VWC2L: variants seen among roughly 807,000 people sequenced by gnomAD.
VWC2L encodes von Willebrand factor C domain-containing protein 2-like.
A neutral mutation model predicts 21.6 loss-of-function variants in VWC2L; 10 were observed. The observed-to-expected ratio is 0.46, with a 90% CI of 0.29 to 0.78. The LOEUF (loss-of-function observed/expected upper bound fraction) is 0.78, where lower values mean the gene tolerates loss of function less well. VWC2L is among the 30% of genes least tolerant of loss of function. The probability of loss-of-function intolerance (pLI) is 0.10; values close to 1 mark genes in which losing one functional copy is unlikely to be tolerated. For missense variants in VWC2L, 209 were observed against 277.1 expected, an observed-to-expected ratio of 0.75 and a Z score of 1.74; for synonymous variants, 96 against 94.3, an observed-to-expected ratio of 1.02 and a Z score of -0.10.
intron 3 of VWC2L, among the ~76,000 whole-genome samples, chr2:214,540,908 AG>A (rs1023478345): frequency 1.3e-5 from 2 of 152,228 alleles, no homozygotes; most frequent in African/African-American, 2.4e-5. Context: ...CATGCAAAGC[AG>A]TCAATTAATC....
intron 3 of VWC2L, among the ~76,000 whole-genome samples, chr2:214,465,714 C>T (rs1474868909): frequency 1.3e-5 from 2 of 152,132 alleles, no homozygotes; most frequent in Admixed American, 1.3e-4. Flanking sequence ...TCCTTGTGGC[C>T]TAGACTGCCT....
chr2:214,459,599 T>G (rs1703109243), intron 3 of VWC2L, among the ~76,000 whole-genome samples: 1 of 152,208 alleles, frequency 6.6e-6, no homozygotes, highest in South Asian at 2.1e-4. Flanking sequence ...TATTGTCCTT[T>G]CACTACCAGG....
intron 3 of VWC2L, among the ~76,000 whole-genome samples, chr2:214,571,768 C>CTCTT (rs1195810972): frequency 3.9e-5 from 6 of 152,238 alleles, no homozygotes; most frequent in Admixed American, 3.3e-4. Context: ...TTCATATTCT[C>CTCTT]TCTTTCTTTC....
chr2:214,475,726 CT>C (rs1384422819), intron 3 of VWC2L, among the ~76,000 whole-genome samples: 8 of 149,168 alleles, frequency 5.4e-5, no homozygotes, highest in Non-Finnish European at 4.4e-5. Context: ...TGAAATCTCC[CT>C]ATTTTTAAAT....
chr2:214,411,966 C>T (rs550820133), intron 1 of VWC2L, among the ~76,000 whole-genome samples, 180 bp downstream of exon 1: 1 of 151,366 alleles, frequency 6.6e-6, no homozygotes, highest in South Asian at 2.1e-4. Flanking sequence ...TTGATTTATC[C>T]CATGTTTCTT....
intron 3 of VWC2L, among the ~76,000 whole-genome samples, chr2:214,506,549 C>A (rs1034700217): frequency 6.6e-6 from 1 of 152,094 alleles, no homozygotes; most frequent in African/African-American, 2.4e-5. Flanking sequence ...CGTATCAAAA[C>A]CTTTAGAAAT....
intron 3 of VWC2L, among the ~76,000 whole-genome samples, chr2:214,457,864 T>C (rs1317485822): frequency 1.3e-5 from 2 of 152,260 alleles, no homozygotes; most frequent in East Asian, 1.9e-4. Context: ...GAATTTGATC[T>C]GTTAGTATTT....
At chr2:214,554,097 G>T (rs13012596) in intron 3 of VWC2L, among the ~76,000 whole-genome samples, 109,232 of 151,872 alleles carry the variant, frequency 0.72, 39,774 homozygotes, top group East Asian at 0.83. Flanking sequence ...ACCATCCTGA[G>T]TCTTTACCAA....
At chr2:214,540,425 G>T (rs1249543797) in intron 3 of VWC2L, among the ~76,000 whole-genome samples, 1 of 152,104 alleles carries the variant, frequency 6.6e-6, no homozygotes, top group Non-Finnish European at 1.5e-5. Context: ...GAAATATGAT[G>T]CCCATGCCCT....
In VWC2L at chr2:214,444,578, G is replaced by A. The variant is rs568749458; in HGVS notation, c.520+7820G>A. 3.3e-5 allele frequency among the ~76,000 whole-genome samples: 5 copies of A among 152,022 alleles called. No homozygotes were observed. The East Asian group carries it at 9.6e-4, about 29-fold the overall frequency. ...AGTTGACAAAATAAACATTTCTTGT[G>A]AAAATGTTAAATACATGAAAAAATG... On this transcript the variant is annotated intron_variant, in intron 3 of 3. Coordinates refer to ENST00000312504, the MANE Select transcript of VWC2L (RefSeq NM_001080500.4).
intron 3 of VWC2L, among the ~76,000 whole-genome samples, chr2:214,497,162 G>C (rs1027119388): frequency 1.3e-5 from 2 of 151,940 alleles, no homozygotes; most frequent in Admixed American, 1.3e-4. Flanking sequence ...TCCAAGAATA[G>C]TCTTTGGCTT....
chr2:214,477,442 C>A (rs1688540649), intron 3 of VWC2L, among the ~76,000 whole-genome samples: 2 of 151,434 alleles, frequency 1.3e-5, no homozygotes. Flanking sequence ...AGATTTACAA[C>A]CCCCTCCTGA....
At position 214,577,728 on chromosome 2, in the gene VWC2L, TA is replaced by T. The variant is rs1308232740; in HGVS notation, c.*1912del. ...GAGTCTTGTCAACTGGTTTTTCATT[TA>T]AAATTGTCAGCCTCTCCTCCCTGGA... is the stretch of plus-strand genomic sequence containing the variant. On this transcript the variant is annotated 3_prime_UTR_variant, in exon 4 of 4. Coordinates refer to ENST00000312504, the MANE Select transcript of VWC2L (RefSeq NM_001080500.4). 6.6e-6 allele frequency: 1 copy of T among 152,224 alleles called. No individual in the cohort carries two copies. The highest frequency in any genetic ancestry group is 1.5e-5 in the Non-Finnish European group (1 of 68,044). 9.4% of individuals were successfully genotyped at this position (152,224 alleles called of 1,614,324 possible).
chr2:214,433,013 C>G (rs1320505231), intron 2 of VWC2L, among the ~76,000 whole-genome samples: 1 of 147,738 alleles, frequency 6.8e-6, no homozygotes, highest in Non-Finnish European at 1.5e-5. Flanking sequence ...CACAGTAAGA[C>G]TCCATCTCAA....
At chr2:214,528,695 C>T (rs1204233660) in intron 3 of VWC2L, among the ~76,000 whole-genome samples, 5 of 152,052 alleles carry the variant, frequency 3.3e-5, no homozygotes, top group Non-Finnish European at 5.9e-5. Flanking sequence ...AACCCATGTT[C>T]GTGATGTCAA....
At chr2:214,439,856 T>G (rs1702738326) in intron 3 of VWC2L, among the ~76,000 whole-genome samples, 1 of 151,918 alleles carries the variant, frequency 6.6e-6, no homozygotes, top group African/African-American at 2.4e-5. Context: ...GTATGTAGTT[T>G]TTCCGTAAAA....
At chr2:214,463,628 C>A (rs906950269) in intron 3 of VWC2L, among the ~76,000 whole-genome samples, 15 of 151,888 alleles carry the variant, frequency 9.9e-5, no homozygotes, top group African/African-American at 3.4e-4. Flanking sequence ...CATTCTTTTT[C>A]ATTTTAAAAA....
intron 3 of VWC2L, among the ~76,000 whole-genome samples, chr2:214,451,068 C>T (rs1427578174): frequency 6.6e-6 from 1 of 152,028 alleles, no homozygotes; most frequent in Non-Finnish European, 1.5e-5. Context: ...GTTCCTAAAG[C>T]GTAGTCCCAG....
At chr2:214,524,289 G>A (rs1316514366) in intron 3 of VWC2L, among the ~76,000 whole-genome samples, 1 of 152,116 alleles carries the variant, frequency 6.6e-6, no homozygotes, top group Non-Finnish European at 1.5e-5. Context: ...AACAGTACAA[G>A]TTCAAGCACA....
Sources: gnomAD v4.1 joint callset for allele counts (sites outside exome capture counted in the v4.1 genomes callset) on GRCh38, gnomAD v4.1.1 for gene constraint, MANE v1.5 for transcripts, NCBI Gene and HGNC (gene_info 2026-07-23, HGNC 2026-07-21) for gene names.